Variants in LINGO1 observed in about 807,000 individuals in gnomAD.
The protein encoded by LINGO1 is leucine-rich repeat and immunoglobulin-like domain-containing nogo receptor-interacting protein 1.
A neutral mutation model predicts 37.3 loss-of-function variants in LINGO1; 11 were observed. That is an observed-to-expected ratio of 0.29 (90% CI 0.19 to 0.49). The LOEUF (loss-of-function observed/expected upper bound fraction) is 0.49. LINGO1 is among the 20% of genes least tolerant of loss of function. The pLI, the probability that LINGO1 is intolerant of heterozygous loss-of-function variation, is 0.99. For synonymous variants in LINGO1, 387 were observed against 403.0 expected (o/e 0.96, Z 0.48); for missense variants, 585 against 878.2 (o/e 0.67, Z 4.22).
At chr15:77,809,787 A>G (rs1414261942) in intron 1 of LINGO1, among the ~76,000 whole-genome samples, 5 of 152,208 alleles carry the variant, frequency 3.3e-5, no homozygotes. Context: ...TCGTTTTGCC[A>G]GGGAAGAAAC....
chr15:77,745,829 G>A lies in LINGO1; in HGVS notation c.-256-10776C>T, dbSNP rs139895286. 2.0e-4 allele frequency among the ~76,000 whole-genome samples: 30 copies of A among 152,314 alleles called. No individual in the cohort carries two copies. The East Asian group carries it at 4.6e-3, about 23-fold the overall frequency. On this transcript the variant is annotated intron_variant, in intron 1 of 3. Transcript: ENST00000561686. ...ATTCCGCATGCCTCTAGCAGGGATG[G>A]ATGTTGTGGGGGACTGTGTGATGGA...
chr15:77,772,857 G>A (rs969536612), intron 1 of LINGO1, among the ~76,000 whole-genome samples: 6 of 152,108 alleles, frequency 3.9e-5, no homozygotes, highest in Non-Finnish European at 8.8e-5. Context: ...CTCAGGGGGC[G>A]CGCCTTAGCA....
chr15:77,645,211 C>T (rs2074597831), intron 3 of LINGO1, among the ~76,000 whole-genome samples: 1 of 152,174 alleles, frequency 6.6e-6, no homozygotes, highest in Admixed American at 6.5e-5. Context: ...CAGTGCCCAT[C>T]CATTCCCAAC....
chr15:77,724,329 G>C (rs2076081198), intron 2 of LINGO1, among the ~76,000 whole-genome samples: 1 of 152,258 alleles, frequency 6.6e-6, no homozygotes, highest in Non-Finnish European at 1.5e-5. Flanking sequence ...ATTGGGCAGG[G>C]AGGGTGGCGT....
At chr15:77,675,249 T>A (rs1485108848) in intron 3 of LINGO1, among the ~76,000 whole-genome samples, 1 of 152,172 alleles carries the variant, frequency 6.6e-6, no homozygotes, top group East Asian at 1.9e-4. Flanking sequence ...GAAATGTGGG[T>A]GCCCTCTGAC....
At chr15:77,722,241 C>T (rs993562692) in intron 2 of LINGO1, among the ~76,000 whole-genome samples, 1 of 152,210 alleles carries the variant, frequency 6.6e-6, no homozygotes, top group East Asian at 1.9e-4. Flanking sequence ...ACTCGCAGCC[C>T]GTCTCTGAGT....
chr15:77,792,034 C>T (rs779177554), intron 2 of LINGO1, among the ~76,000 whole-genome samples: 1 of 152,156 alleles, frequency 6.6e-6, no homozygotes. Context: ...CAGATGCTGA[C>T]TCCCCACACA....
At chr15:77,655,653 C>A (rs963658828) in intron 3 of LINGO1, among the ~76,000 whole-genome samples, 1 of 152,224 alleles carries the variant, frequency 6.6e-6, no homozygotes, top group African/African-American at 2.4e-5. Flanking sequence ...ACCACCATAC[C>A]CATCTTACAG....
chr15:77,723,079 G>C (rs1021248451), intron 2 of LINGO1, among the ~76,000 whole-genome samples: 17 of 152,178 alleles, frequency 1.1e-4, no homozygotes, highest in African/African-American at 4.1e-4. Flanking sequence ...CCCTCTCTGA[G>C]CTCTAGTTTT....
At chr15:77,639,460 G>A (rs987105386) in intron 3 of LINGO1, among the ~76,000 whole-genome samples, 1 of 151,902 alleles carries the variant, frequency 6.6e-6, no homozygotes, top group African/African-American at 2.4e-5. Flanking sequence ...CAGTAAAGGT[G>A]GAAAGACGCA....
chr15:77,806,218 CT>C (rs1378126270), intron 1 of LINGO1, among the ~76,000 whole-genome samples: 1 of 152,196 alleles, frequency 6.6e-6, no homozygotes, highest in Non-Finnish European at 1.5e-5. Flanking sequence ...ATATTCCAGT[CT>C]GGCTGCCGGC....
chr15:77,675,471 C>A (rs1385869193), intron 3 of LINGO1, among the ~76,000 whole-genome samples: 2 of 152,114 alleles, frequency 1.3e-5, no homozygotes, highest in African/African-American at 4.8e-5. Flanking sequence ...TATGGAAGGA[C>A]CCGGGATGAT....
intron 1 of LINGO1, among the ~76,000 whole-genome samples, chr15:77,765,683 G>T (rs986704176): frequency 6.6e-6 from 1 of 152,294 alleles, no homozygotes; most frequent in East Asian, 1.9e-4. Context: ...CCCAGCCTGG[G>T]TGGAGAGTGG....
chr15:77,796,033 AGGGCCTGTG>A (rs977193317), exon 2 of LINGO1: 2 of 152,384 alleles, frequency 1.3e-5, no homozygotes, highest in African/African-American at 4.8e-5. Context: ...CTGGAGCCTC[AGGGCCTGTG>A]GGTGCCGGAG....
chr15:77,814,247 A>G (rs1163034092), intron 1 of LINGO1, among the ~76,000 whole-genome samples: 1 of 152,160 alleles, frequency 6.6e-6, no homozygotes, highest in African/African-American at 2.4e-5. Flanking sequence ...CTCACTGTGG[A>G]GCAAGAACAC....
upstream of LINGO1, among the ~76,000 whole-genome samples, chr15:77,697,821 G>GTATTAA (rs2075716269): frequency 2.0e-5 from 3 of 152,300 alleles, no homozygotes; most frequent in South Asian, 6.2e-4. Flanking sequence ...AAAGGAAAAC[G>GTATTAA]AGTTGGGCTT....
rs2076056965 is a variant in LINGO1 at position 77,722,179 on chromosome 15, A to G, written c.-195+12813T>C. Among the ~76,000 whole-genome samples, 5 of 73,070 alleles carry G rather than the reference A, an allele frequency of 6.8e-5. No individual in the cohort carries two copies. In the Admixed American group the frequency reaches 8.6e-4, roughly 13 times the overall value. The allele number at this position is 73,070 out of a possible 152,430, so 47.9% of individuals were successfully genotyped here. On this transcript the variant is annotated intron_variant, in intron 2 of 3. Coordinates refer to the LINGO1 transcript ENST00000561686. ...ATAGGAGCCTGCAAAATGTGTTGTCAGCTTTTAAATGGCCCGGTAAAGCTC... is the reference window on the plus strand; with the variant it reads ...ATAGGAGCCTGCAAAATGTGTTGTCGGCTTTTAAATGGCCCGGTAAAGCTC...
chr15:77,796,307 C>A (rs570123939), intron 1 of LINGO1, among the ~76,000 whole-genome samples: 39 of 151,874 alleles, frequency 2.6e-4, no homozygotes, highest in Non-Finnish European at 5.1e-4. Context: ...TGCGTGCGGG[C>A]GTGCACACAC....
chr15:77,639,113 T>C (rs1487166914), upstream of LINGO1, among the ~76,000 whole-genome samples: 1 of 152,060 alleles, frequency 6.6e-6, no homozygotes, highest in Non-Finnish European at 1.5e-5. Flanking sequence ...TTGAGTGAGC[T>C]TGGAAACAGC....
Sources: allele counts gnomAD v4.1 joint callset (sites outside exome capture counted in the v4.1 genomes callset), GRCh38; gene constraint gnomAD v4.1.1; transcripts MANE v1.5; gene names NCBI Gene and HGNC (gene_info 2026-07-23, HGNC 2026-07-21).